The following PCGF5 variants were observed in gnomAD, a reference collection of about 807,000 sequenced individuals.
PCGF5 encodes polycomb group ring finger 5.
PCGF5 carries 9 observed loss-of-function variants against 44.3 expected under a neutral mutation model. The observed-to-expected ratio is 0.20, with a 90% CI of 0.12 to 0.35. The LOEUF (loss-of-function observed/expected upper bound fraction) is 0.35. Ranked by LOEUF, PCGF5 falls within the 10% of genes least tolerant of loss-of-function variation. The pLI, the probability that PCGF5 is intolerant of heterozygous loss-of-function variation, is 1.00. For missense variants in PCGF5, 146 were observed against 305.3 expected (o/e 0.48, Z 3.89); for synonymous variants, 95 against 102.5 (o/e 0.93, Z 0.44).
At chr10:91,257,597 C>T (rs1845788500) in intron 6 of PCGF5, among the ~76,000 whole-genome samples, 1 of 152,052 alleles carries the variant, frequency 6.6e-6, no homozygotes, top group African/African-American at 2.4e-5. Context: ...GTGGCCTATA[C>T]AGCATGAATA....
At chr10:91,187,128 G>C (rs923314729) in intron 1 of PCGF5, among the ~76,000 whole-genome samples, 2 of 152,048 alleles carry the variant, frequency 1.3e-5, no homozygotes, top group African/African-American at 2.4e-5. Flanking sequence ...TCTCAACCCT[G>C]GTTTCATATT....
chr10:91,255,822 G>A (rs1845736405), intron 6 of PCGF5, among the ~76,000 whole-genome samples: 1 of 151,978 alleles, frequency 6.6e-6, no homozygotes, highest in African/African-American at 2.4e-5. Flanking sequence ...GACCCTTCAT[G>A]GATAAGAAAA....
chr10:91,196,708 C>T (rs757102601), intron 1 of PCGF5, among the ~76,000 whole-genome samples: 1 of 152,144 alleles, frequency 6.6e-6, no homozygotes, highest in Non-Finnish European at 1.5e-5. Context: ...TGTTGGTCCC[C>T]CTCACAGACT....
At chr10:91,274,338 A>G (rs915412489) in intron 9 of PCGF5, among the ~76,000 whole-genome samples, 1 of 152,218 alleles carries the variant, frequency 6.6e-6, no homozygotes, top group Non-Finnish European at 1.5e-5. Context: ...ACCACATACT[A>G]AAACATATTT....
At chr10:91,221,292 C>T (rs1435062966) in intron 1 of PCGF5, among the ~76,000 whole-genome samples, 1 of 152,158 alleles carries the variant, frequency 6.6e-6, no homozygotes, top group Non-Finnish European at 1.5e-5. Context: ...AGGTCGGGAC[C>T]GTGCATTTCC....
chr10:91,248,305 G>A (rs1413697792), intron 3 of PCGF5, among the ~76,000 whole-genome samples, 200 bp from the exon 4 acceptor site: 1 of 152,054 alleles, frequency 6.6e-6, no homozygotes, highest in Admixed American at 6.6e-5. Flanking sequence ...GCTGGGGACT[G>A]GGACCATTTT....
At chr10:91,184,466 C>T (rs1465374240) in intron 1 of PCGF5, among the ~76,000 whole-genome samples, 1 of 152,126 alleles carries the variant, frequency 6.6e-6, no homozygotes, top group African/African-American at 2.4e-5. Context: ...AATGTTTTAG[C>T]GTGATTTTTA....
chr10:91,186,721 G>A (rs563274121), intron 1 of PCGF5, among the ~76,000 whole-genome samples: 2 of 152,120 alleles, frequency 1.3e-5, no homozygotes, highest in Non-Finnish European at 2.9e-5. Flanking sequence ...GGATGTACTA[G>A]TAACTGTTTC....
In PCGF5 at chr10:91,278,980, T is replaced by C. The variant is rs142716800; in HGVS notation, c.*664T>C. 2 of 152,756 alleles carry C rather than the reference T, an allele frequency of 1.3e-5. No homozygotes were observed. Among genetic ancestry groups the C allele is most frequent in the East Asian group, 1.9e-4 (1 of 5,186 alleles). 9.5% of individuals were successfully genotyped at this position (152,756 alleles called of 1,614,324 possible). On this transcript the variant is annotated 3_prime_UTR_variant, in exon 10 of 10. Coordinates refer to ENST00000336126, the MANE Select transcript of PCGF5 (RefSeq NM_032373.5). ...AAGGAAGGCATGTTAGCCCTCCAGA[T>C]TGAAAATGTATGTGACCTCTTGAAC...
intron 2 of PCGF5, among the ~76,000 whole-genome samples, chr10:91,230,482 C>T (rs569235253): frequency 5.9e-5 from 9 of 151,864 alleles, no homozygotes; most frequent in African/African-American, 9.7e-5. Flanking sequence ...AAAGCCAGGG[C>T]GCAAAGCTAT....
intron 7 of PCGF5, among the ~76,000 whole-genome samples, chr10:91,263,314 A>G (rs1443568142): frequency 1.4e-5 from 2 of 146,814 alleles, no homozygotes; most frequent in African/African-American, 5.5e-5. Context: ...TACAAAAAAG[A>G]TAAAAATGAA....
chr10:91,169,101 A>G lies in PCGF5; in HGVS notation c.-184+6020A>G, dbSNP rs542764212. On this transcript the variant is annotated intron_variant, in intron 1 of 9. Coordinates refer to the PCGF5 transcript ENST00000614189. Reference sequence around the variant, plus strand: ...GAGAGATAGGATAGGGTAACCATACATGCAATTGCCCAGGGCAGTGCTAGT... The same window carrying G: ...GAGAGATAGGATAGGGTAACCATACGTGCAATTGCCCAGGGCAGTGCTAGT... 9.9e-5 allele frequency among the ~76,000 whole-genome samples: 15 copies of G among 152,262 alleles called. No homozygotes were observed. In the South Asian group the frequency reaches 2.5e-3, roughly 25 times the overall value.
intron 2 of PCGF5, 87 bp from the exon 3 acceptor site, chr10:91,240,397 T>A: frequency 1.2e-6 from 1 of 818,790 alleles, no homozygotes; most frequent in Non-Finnish European, 2.0e-6. Flanking sequence ...GTAGGTAGTT[T>A]TAAGGTCTGT....
At chr10:91,240,701 T>C (rs1845299880) in intron 3 of PCGF5, 121 bp downstream of exon 3, 3 of 496,842 alleles carry the variant, frequency 6.0e-6, no homozygotes, top group Admixed American at 7.4e-5. Context: ...CTTATGATTT[T>C]CATTTTAAAG....
chr10:91,190,030 CCA>C (rs931575330), intron 1 of PCGF5, among the ~76,000 whole-genome samples: 3 of 152,128 alleles, frequency 2.0e-5, no homozygotes, highest in African/African-American at 7.2e-5. Context: ...CAACAAAGCA[CCA>C]CAAACTGTAT....
At chr10:91,233,351 C>T (rs1172880554) in intron 2 of PCGF5, among the ~76,000 whole-genome samples, 1 of 152,136 alleles carries the variant, frequency 6.6e-6, no homozygotes, top group Non-Finnish European at 1.5e-5. Context: ...AACCCCCAGA[C>T]TCTTTCCTAA....
intron 7 of PCGF5, among the ~76,000 whole-genome samples, chr10:91,262,901 CCTTTT>C (rs1460397124): frequency 1.3e-5 from 2 of 152,086 alleles, no homozygotes; most frequent in African/African-American, 4.8e-5. Context: ...GGTTTTATTT[CCTTTT>C]AAGTCTGATT....
At position 91,222,824 on chromosome 10, in the gene PCGF5, G is replaced by A. The variant is rs1183275833; in HGVS notation, c.-48G>A. On this transcript the variant is annotated 5_prime_UTR_variant, in exon 2 of 10. It removes the in-frame stop codon of an upstream open reading frame in the 5' UTR. Transcript: ENST00000336126. ...CTGGGATCAGACTTTCATCTACTTA[G>A]GACCCCTCTTTGCCCAGACTACTAA... is the stretch of plus-strand genomic sequence containing the variant. 1.8e-6 allele frequency: 2 copies of A among 1,136,606 alleles called. No homozygotes were observed. Among genetic ancestry groups the A allele is most frequent in the Admixed American group, 1.7e-5 (1 of 58,464 alleles). The allele number at this position is 1,136,606 out of a possible 1,614,324, so 70.4% of individuals were successfully genotyped here.
chr10:91,191,564 C>T (rs1844033968), intron 1 of PCGF5, among the ~76,000 whole-genome samples: 1 of 152,172 alleles, frequency 6.6e-6, no homozygotes, highest in Non-Finnish European at 1.5e-5. Flanking sequence ...GCACTTTTTC[C>T]TACTAACATG....
Sources: allele counts gnomAD v4.1 joint callset (sites outside exome capture counted in the v4.1 genomes callset), GRCh38; gene constraint gnomAD v4.1.1; transcripts MANE v1.5; gene names NCBI Gene and HGNC (gene_info 2026-07-23, HGNC 2026-07-21).